The following FGGY variants were observed in gnomAD, a reference collection of about 807,000 sequenced individuals.
The protein encoded by FGGY is FGGY carbohydrate kinase domain-containing protein.
In FGGY, 72 loss-of-function variants were observed where a neutral mutation model predicts 71.3. The observed-to-expected ratio is 1.01, with a 90% CI of 0.84 to 1.23. The LOEUF (loss-of-function observed/expected upper bound fraction) is 1.23, where lower values mean the gene tolerates loss of function less well. Ranked by LOEUF, FGGY falls within the 50% of genes most tolerant of loss-of-function variation. The probability of loss-of-function intolerance (pLI) is 0.00; values close to 1 mark genes in which losing one functional copy is unlikely to be tolerated. For missense variants in FGGY, 668 were observed against 682.3 expected, an observed-to-expected ratio of 0.98 and a Z score of 0.23; for synonymous variants, 251 against 250.3, an observed-to-expected ratio of 1.00 and a Z score of -0.02.
intron 14 of FGGY, among the ~76,000 whole-genome samples, chr1:59,733,627 T>A (rs1188567044): frequency 6.6e-6 from 1 of 152,194 alleles, no homozygotes; most frequent in Non-Finnish European, 1.5e-5. Flanking sequence ...TGAGGAATTT[T>A]TGCAACATTA....
chr1:59,558,470 C>T (rs898378394), intron 8 of FGGY, among the ~76,000 whole-genome samples: 11 of 152,082 alleles, frequency 7.2e-5, no homozygotes, highest in African/African-American at 2.7e-4. Context: ...GCCTTAAATC[C>T]AGCAAGTTTT....
At chr1:59,669,520 A>G (rs1461043563) in intron 13 of FGGY, among the ~76,000 whole-genome samples, 3 of 146,396 alleles carry the variant, frequency 2.0e-5, no homozygotes, top group Non-Finnish European at 4.5e-5. Flanking sequence ...TTGATCTGTG[A>G]CATTCCAATT....
intron 6 of FGGY, among the ~76,000 whole-genome samples, chr1:59,497,614 A>G (rs932445061): frequency 6.6e-6 from 1 of 152,202 alleles, no homozygotes; most frequent in East Asian, 1.9e-4. Flanking sequence ...AAAAAAAACC[A>G]GAGTAGAATG....
chr1:59,742,694 C>T (rs915695511), intron 14 of FGGY, among the ~76,000 whole-genome samples: 8 of 150,196 alleles, frequency 5.3e-5, no homozygotes, highest in Non-Finnish European at 7.3e-5. Context: ...TGTTCCCATA[C>T]GTGGCACTAT....
intron 14 of FGGY, among the ~76,000 whole-genome samples, chr1:59,746,394 TAA>T (rs2098198119): frequency 6.6e-6 from 1 of 152,142 alleles, no homozygotes; most frequent in Non-Finnish European, 1.5e-5. Context: ...TCTGGGAAAA[TAA>T]AGTTTATTTC....
At chr1:59,726,725 C>T (rs1000851407) in intron 14 of FGGY, among the ~76,000 whole-genome samples, 10 of 151,990 alleles carry the variant, frequency 6.6e-5, no homozygotes, top group African/African-American at 2.4e-4. Context: ...TAATTTGTAA[C>T]TTCTCTCTTT....
intron 6 of FGGY, among the ~76,000 whole-genome samples, chr1:59,464,249 C>G (rs536297686): frequency 6.6e-6 from 1 of 152,336 alleles, no homozygotes; most frequent in East Asian, 1.9e-4. Flanking sequence ...AGTGAACAAC[C>G]TGCTCCTGAA....
chr1:59,719,711 A>G (rs1369322564), intron 14 of FGGY, among the ~76,000 whole-genome samples: 4 of 152,224 alleles, frequency 2.6e-5, no homozygotes, highest in Non-Finnish European at 1.5e-5. Flanking sequence ...AGAGCGGTGC[A>G]TGTTAATCAC....
chr1:59,591,032 A>T (rs1270078336), intron 8 of FGGY, among the ~76,000 whole-genome samples: 1 of 152,224 alleles, frequency 6.6e-6, no homozygotes, highest in Non-Finnish European at 1.5e-5. Flanking sequence ...TTGTATATCT[A>T]GAAAACCCCA....
intron 8 of FGGY, among the ~76,000 whole-genome samples, chr1:59,593,088 A>T (rs960113542): frequency 8.5e-5 from 13 of 152,382 alleles, no homozygotes; most frequent in South Asian, 2.1e-4. Context: ...CAGTAGCTCC[A>T]GAGAGCTAGG....
chr1:59,487,245 A>G (rs890012952), intron 6 of FGGY, among the ~76,000 whole-genome samples: 3 of 152,192 alleles, frequency 2.0e-5, no homozygotes, highest in South Asian at 2.1e-4. Context: ...TGCATTATTT[A>G]TATTGTTTAA....
chr1:59,662,104 G>T (rs1313982446), intron 12 of FGGY, among the ~76,000 whole-genome samples: 1 of 148,910 alleles, frequency 6.7e-6, no homozygotes, highest in East Asian at 2.1e-4. Flanking sequence ...GGCAGATCAC[G>T]AGGTCAGGAG....
At chr1:59,569,497 C>T (rs905075864) in intron 8 of FGGY, among the ~76,000 whole-genome samples, 1 of 152,130 alleles carries the variant, frequency 6.6e-6, no homozygotes, top group African/African-American at 2.4e-5. Context: ...CTCCTCAGAA[C>T]TGGGTGCAGT....
At chr1:59,455,034 C>T (rs988304470) in intron 5 of FGGY, among the ~76,000 whole-genome samples, 6 of 152,160 alleles carry the variant, frequency 3.9e-5, no homozygotes, top group Non-Finnish European at 7.3e-5. Flanking sequence ...AATGGACAAA[C>T]GATTCATTCT....
intron 13 of FGGY, 35 bp from the exon 14 acceptor site, chr1:59,674,004 G>A: frequency 6.3e-7 from 1 of 1,595,622 alleles, no homozygotes. Flanking sequence ...CCCTGGCTCT[G>A]CTCCCTAACC....
chr1:59,608,285 A>G (rs1324651796), intron 9 of FGGY, among the ~76,000 whole-genome samples: 2 of 151,950 alleles, frequency 1.3e-5, no homozygotes, highest in African/African-American at 4.8e-5. Flanking sequence ...TGCATTATAC[A>G]CTTCATGGTC....
chr1:59,573,920 A>G (rs1050402458), intron 8 of FGGY, among the ~76,000 whole-genome samples: 3 of 152,216 alleles, frequency 2.0e-5, no homozygotes, highest in Non-Finnish European at 4.4e-5. Context: ...CTTCTACTAC[A>G]TAGCATATTT....
At chr1:59,684,661 GAGTA>G (rs1423166249) in intron 14 of FGGY, among the ~76,000 whole-genome samples, 1 of 152,200 alleles carries the variant, frequency 6.6e-6, no homozygotes, top group Admixed American at 6.5e-5. Context: ...GGAGTAGAAA[GAGTA>G]AGTGAGCTGA....
At chr1:59,354,267 T>C (rs977466424) in intron 4 of FGGY, among the ~76,000 whole-genome samples, 1 of 152,072 alleles carries the variant, frequency 6.6e-6, no homozygotes, top group South Asian at 2.1e-4. Context: ...TTTGTAGAGA[T>C]GAGGTTTTAC....
Sources: allele counts gnomAD v4.1 joint callset (sites outside exome capture counted in the v4.1 genomes callset), GRCh38; gene constraint gnomAD v4.1.1; transcripts MANE v1.5; gene names NCBI Gene and HGNC (gene_info 2026-07-23, HGNC 2026-07-21).